The following ADAMTS2 variants were observed in gnomAD, a reference collection of about 807,000 sequenced individuals.
ADAMTS2 encodes ADAM metallopeptidase with thrombospondin type 1 motif 2.
In ADAMTS2, 50 loss-of-function variants were observed where a neutral mutation model predicts 123.0. That is an observed-to-expected ratio of 0.41 (90% CI 0.32 to 0.51). The LOEUF (loss-of-function observed/expected upper bound fraction) is 0.51. Among genes scored for constraint, ADAMTS2 ranks in the 20% least tolerant of loss-of-function variants. The pLI, the probability that ADAMTS2 is intolerant of heterozygous loss-of-function variation, is 0.35. For synonymous variants in ADAMTS2, 678 were observed against 695.4 expected, an observed-to-expected ratio of 0.98 and a Z score of 0.39; for missense variants, 1,494 against 1,705.2, an observed-to-expected ratio of 0.88 and a Z score of 2.18.
chr5:179,298,070 C>T (rs2113554216), intron 2 of ADAMTS2, among the ~76,000 whole-genome samples: 1 of 152,306 alleles, frequency 6.6e-6, no homozygotes, highest in South Asian at 2.1e-4. Context: ...CCGGTTTCCA[C>T]AGCACCAGAG....
chr5:179,343,171 T>A lies in ADAMTS2; in HGVS notation c.534+596A>T, dbSNP rs143172278. Among the ~76,000 whole-genome samples the A allele has an allele frequency of 6.6e-4, 101 of 152,304 alleles. No homozygotes were observed. The Middle Eastern group carries it at 0.017, about 26-fold the overall frequency. On this transcript the variant is annotated intron_variant, in intron 2 of 21. Transcript: ENST00000251582. ...AGAGGGCTAACTGGGCATTTCAGCA[T>A]CACTGCCAGCTCCCTGGGCTGGTAT...
chr5:179,319,806 C>A (rs1299053531), intron 2 of ADAMTS2, among the ~76,000 whole-genome samples: 4 of 152,142 alleles, frequency 2.6e-5, no homozygotes, highest in African/African-American at 9.7e-5. Flanking sequence ...TCAGCCTTCA[C>A]CAGCCCCCGC....
chr5:179,283,096 G>C (rs1766963682), intron 2 of ADAMTS2, among the ~76,000 whole-genome samples: 1 of 152,038 alleles, frequency 6.6e-6, no homozygotes. Context: ...ACGCAGCCTG[G>C]ACTTGACTTT....
Position 179,128,107 on chromosome 5 carries a change from C to T in ADAMTS2, c.2469G>A (p.Val823=), listed in dbSNP as rs182103023. The T allele has an allele frequency of 2.3e-4, 376 of 1,613,534 alleles. No individual in the cohort carries two copies. Among genetic ancestry groups the T allele is most frequent in the Non-Finnish European group, 3.0e-4 (349 of 1,180,004 alleles). The change falls in exon 17 of 22, where the codon GTG becomes GTA. Residue 823 remains valine, a synonymous_variant. Coordinates refer to ENST00000251582, the MANE Select transcript of ADAMTS2 (RefSeq NM_014244.5). This position sits in a 1 kb window ranked among gnomAD's most constrained non-coding sequence, Gnocchi z 4.9. ...HGTITVLVIP[V]GDTRVSLTYK... The stretch of plus-strand genomic sequence containing the variant: ...ACGTCAGTGAGACCCGGGTGTCTCC[C>T]ACCGGGATGACCTGTGCCAGCCCAA...
At chr5:179,236,889 G>A (rs576580911) in intron 3 of ADAMTS2, among the ~76,000 whole-genome samples, 1 of 152,302 alleles carries the variant, frequency 6.6e-6, no homozygotes, top group South Asian at 2.1e-4. Context: ...GATGATTTTA[G>A]GAGGTGGGGC....
Position 179,181,543 on chromosome 5 carries a change from C to T in ADAMTS2, c.892-388G>A, listed in dbSNP as rs190871242. On this transcript the variant is annotated intron_variant, in intron 4 of 21. Coordinates refer to ENST00000251582, the MANE Select transcript of ADAMTS2 (RefSeq NM_014244.5). This position sits in a 1 kb window ranked among gnomAD's most constrained non-coding sequence, Gnocchi z 4.1. The stretch of plus-strand genomic sequence containing the variant: ...CCCGCGGCACAGGCAGGGCTGGGAC[C>T]GGCCCTGGCAGAAGTCACTCCAAGC... Among the ~76,000 whole-genome samples, 241 of 152,270 alleles carry T rather than the reference C, an allele frequency of 1.6e-3. 1 individual carries two copies. Among genetic ancestry groups the T allele is most frequent in the African/African-American group, 5.4e-3 (226 of 41,552 alleles).
chr5:179,322,583 G>A (rs534120898), intron 2 of ADAMTS2, among the ~76,000 whole-genome samples: 1 of 152,318 alleles, frequency 6.6e-6, no homozygotes, highest in African/African-American at 2.4e-5. Flanking sequence ...GCCAATTCCA[G>A]ATGACTTGTC....
At chr5:179,135,886 C>T (rs779904041) in intron 13 of ADAMTS2, 23 bp downstream of exon 13, 17 of 1,612,466 alleles carry the variant, frequency 1.1e-5, no homozygotes, top group South Asian at 2.2e-5. Context: ...GGTAGCCCCC[C>T]GTGCCGGCCT....
chr5:179,114,444 G>A lies in ADAMTS2; in HGVS notation c.3179-120C>T, dbSNP rs1347947270. 54 of 984,726 alleles carry A rather than the reference G, an allele frequency of 5.5e-5. No homozygotes were observed. In the Admixed American group the frequency reaches 1.1e-3, roughly 19 times the overall value. The allele number at this position is 984,726 out of a possible 1,614,324, so 61.0% of individuals were successfully genotyped here. A position where few individuals can be genotyped will look rare whatever the true frequency, so the allele number is the denominator to read the frequency against. On this transcript the variant is annotated intron_variant, in intron 21 of 21. Coordinates refer to ENST00000251582, the MANE Select transcript of ADAMTS2 (RefSeq NM_014244.5). ...GAGCCCAGAGACAGCACAGAGGCAA[G>A]TGAGCCCAGGCAGAAAGTCTGTGTG...
At chr5:179,169,671 C>A (rs1171693598) in intron 5 of ADAMTS2, among the ~76,000 whole-genome samples, 1 of 152,140 alleles carries the variant, frequency 6.6e-6, no homozygotes, top group African/African-American at 2.4e-5. Flanking sequence ...CTCCCCAGAC[C>A]TTCACTTCCT....
At position 179,114,195 on chromosome 5, in the gene ADAMTS2, T is replaced by C; in HGVS notation, c.3308A>G (p.Glu1103Gly). 6.2e-7 allele frequency: 1 copy of C among 1,612,022 alleles called. No individual in the cohort carries two copies. Among genetic ancestry groups the C allele is most frequent in the Non-Finnish European group, 8.5e-7 (1 of 1,178,232 alleles). ...CNLYNNLTNV[E>G]GRIEPPPGKH... is the part of the protein sequence containing the mutation. ...CCCAGGCGGTGGCTCTATCCTGCCCTCCACGTTGGTGAGGTTGTTGTACAG... is the reference window on the plus strand; with the variant it reads ...CCCAGGCGGTGGCTCTATCCTGCCCCCCACGTTGGTGAGGTTGTTGTACAG... Residue 1103 changes from glutamate (E) to glycine (G), a missense_variant, in exon 22 of 22, where the codon GAG becomes GGG. Physicochemically the swap from Glu to Gly is moderately conservative, Grantham distance 98. This residue lies in a region of ADAMTS2 where 953 missense variants were observed against 1,124.7 expected (regional missense o/e 0.85). Coordinates refer to ENST00000251582, the MANE Select transcript of ADAMTS2 (RefSeq NM_014244.5).
intron 2 of ADAMTS2, among the ~76,000 whole-genome samples, chr5:179,283,364 C>T (rs183219024): frequency 1.6e-4 from 24 of 152,084 alleles, no homozygotes; most frequent in African/African-American, 5.5e-4. Flanking sequence ...TTTAATTGCA[C>T]TCGTTTCCTA....
rs778203116 is a variant in ADAMTS2 at position 179,262,496 on chromosome 5, C to G, written c.688+10415G>C. ...GTCCCTTCAAAGCGATGAGTGCCACCCATCCCTCCCGGCCCTGCACGCCTC... is the reference window on the plus strand; with the variant it reads ...GTCCCTTCAAAGCGATGAGTGCCACGCATCCCTCCCGGCCCTGCACGCCTC... On this transcript the variant is annotated intron_variant, in intron 3 of 21. Transcript: ENST00000251582. The surrounding 1 kb of genome is among the most constrained non-coding windows in gnomAD (Gnocchi z 5.9). Among the ~76,000 whole-genome samples, 1 of 152,046 alleles carries G rather than the reference C, an allele frequency of 6.6e-6. No individual in the cohort carries two copies. Among genetic ancestry groups the G allele is most frequent in the Non-Finnish European group, 1.5e-5 (1 of 68,016 alleles).
chr5:179,338,820 G>A (rs764325499), intron 2 of ADAMTS2, among the ~76,000 whole-genome samples: 1 of 152,186 alleles, frequency 6.6e-6, no homozygotes, highest in Non-Finnish European at 1.5e-5. Flanking sequence ...GGCAGTGGGG[G>A]GTACAAGAGC....
chr5:179,136,831 G>A (rs1371606546), intron 12 of ADAMTS2, among the ~76,000 whole-genome samples: 1 of 152,076 alleles, frequency 6.6e-6, no homozygotes. Flanking sequence ...TTAGCCGGGT[G>A]TGGTGGCGTG....
intron 2 of ADAMTS2, among the ~76,000 whole-genome samples, chr5:179,298,485 G>A (rs1756408043): frequency 6.6e-6 from 1 of 152,184 alleles, no homozygotes; most frequent in African/African-American, 2.4e-5. Context: ...CAAACCCACT[G>A]GCGCCCCGAT....
At chr5:179,207,471 ACCCTCCCCG>A in intron 4 of ADAMTS2, 33 bp downstream of exon 4, 2 of 1,026,474 alleles carry the variant, frequency 1.9e-6, no homozygotes, top group Non-Finnish European at 3.0e-6. Flanking sequence ...CCCCTGGTTG[ACCCTCCCCG>A]CCCCACCCTG....
Position 179,273,034 on chromosome 5 carries a change from A to ACTC in ADAMTS2, c.562_564dup (p.Glu188dup). ...CCCTTCTCCAAGGGTTCGATGAAGA[A>ACTC]CTCCTCCTCCTCCATCCGGATCAGA... On this transcript the variant is annotated inframe_insertion, in exon 3 of 22. Coordinates refer to ENST00000251582, the MANE Select transcript of ADAMTS2 (RefSeq NM_014244.5). 1 of 1,612,994 alleles carries ACTC rather than the reference A, an allele frequency of 6.2e-7. No homozygotes were observed. Among genetic ancestry groups the ACTC allele is most frequent in the African/African-American group, 1.3e-5 (1 of 74,824 alleles).
At position 179,140,799 on chromosome 5, in the gene ADAMTS2, C is replaced by CTTTTTTTTTTTTTTTTTTTTTTTTTTT. The variant is rs770094463; in HGVS notation, c.1630-765_1630-764insAAAAAAAAAAAAAAAAAAAAAAAAAAA. On this transcript the variant is annotated intron_variant, in intron 10 of 21. Coordinates refer to ENST00000251582, the MANE Select transcript of ADAMTS2 (RefSeq NM_014244.5). The stretch of plus-strand genomic sequence containing the variant: ...TTTCCTTCAGTTCCGACTGCATGCT[C>CTTTTTTTTTTTTTTTTTTTTTTTTTTT]TTTTTTTTTTTTTTTTTTTGAGACA... Among the ~76,000 whole-genome samples, 7 of 90,464 alleles carry CTTTTTTTTTTTTTTTTTTTTTTTTTTT rather than the reference C, an allele frequency of 7.7e-5. 1 individual carries two copies. The highest frequency in any genetic ancestry group is 1.2e-4 in the Non-Finnish European group (6 of 48,304). 59.3% of individuals were successfully genotyped at this position (90,464 alleles called of 152,430 possible). A position where few individuals can be genotyped will look rare whatever the true frequency, so the allele number is the denominator to read the frequency against.
Sources: gnomAD v4.1 joint callset for allele counts (sites outside exome capture counted in the v4.1 genomes callset) on GRCh38, gnomAD v4.1.1 for gene constraint, gnomAD v4.1.1 regional missense constraint, Gnocchi (gnomAD v3.1) non-coding constraint, MANE v1.5 for transcripts, NCBI Gene and HGNC (gene_info 2026-07-23, HGNC 2026-07-21) for gene names.